SEMA6A: variants seen among roughly 807,000 people sequenced by gnomAD.
SEMA6A encodes the protein semaphorin-6A.
Under a neutral mutation model 96.8 loss-of-function variants are expected in SEMA6A, and 25 were observed. That is an observed-to-expected ratio of 0.26 (90% confidence interval 0.19 to 0.36). SEMA6A has a LOEUF of 0.36. Ranked by LOEUF, SEMA6A falls within the 10% of genes least tolerant of loss-of-function variation. The pLI is 1.00. For synonymous variants in SEMA6A, 612 were observed against 518.0 expected (o/e 1.18, Z -2.46); for missense variants, 1,363 against 1,323.1 (o/e 1.03, Z -0.47).
intron 18 of SEMA6A, among the ~76,000 whole-genome samples, chr5:116,463,344 T>TA (rs1224789349): frequency 6.6e-6 from 1 of 152,186 alleles, no homozygotes; most frequent in Non-Finnish European, 1.5e-5. Flanking sequence ...TCGGAGGAAA[T>TA]ACTGCTGTAG....
At chr5:116,488,023 C>G (rs1221225238) in intron 9 of SEMA6A, 85 bp downstream of exon 9, 1 of 880,334 alleles carries the variant, frequency 1.1e-6, no homozygotes, top group Non-Finnish European at 1.8e-6. Flanking sequence ...GCTCTCATTT[C>G]AAGATCATTT....
chr5:116,564,967 T>G (rs10055012), intron 1 of SEMA6A, among the ~76,000 whole-genome samples: 30,778 of 152,192 alleles, frequency 0.2, 3,174 homozygotes, highest in East Asian at 0.31. Flanking sequence ...TTTTATTTAT[T>G]TAGTAATCTG....
chr5:116,496,283 C>T lies in SEMA6A; in HGVS notation c.310G>A (p.Val104Ile). 4 of 1,613,792 alleles carry T rather than the reference C, an allele frequency of 2.5e-6. No homozygotes were observed. Among genetic ancestry groups the T allele is most frequent in the Non-Finnish European group, 3.4e-6 (4 of 1,179,796 alleles). Residue 104 changes from valine (V) to isoleucine (I), a missense_variant, in exon 5 of 19, where the codon GTA becomes ATA. Coordinates refer to ENST00000343348, the MANE Select transcript of SEMA6A (RefSeq NM_020796.5). ...KLTWKSRQAD[V>I]DTCRMKGKHK... ...TTTCCCTTCATTCTGCATGTGTCTA[C>T]ATCGGCCTGTCTAGATTTCCATGTC... is the stretch of plus-strand genomic sequence containing the variant.
chr5:116,502,836 A>G (rs902331563), intron 2 of SEMA6A, among the ~76,000 whole-genome samples: 2 of 152,246 alleles, frequency 1.3e-5, no homozygotes, highest in African/African-American at 4.8e-5. Flanking sequence ...TCCAGTTGGA[A>G]TAATCCACTA....
At chr5:116,479,105 G>C (rs1287680295) in intron 12 of SEMA6A, among the ~76,000 whole-genome samples, 1 of 152,166 alleles carries the variant, frequency 6.6e-6, no homozygotes, top group Non-Finnish European at 1.5e-5. Flanking sequence ...ATTTAACATT[G>C]AAAAGCAATG....
chr5:116,482,692 G>A, intron 10 of SEMA6A, 117 bp from the exon 11 acceptor site: 2 of 960,554 alleles, frequency 2.1e-6, no homozygotes, highest in East Asian at 2.5e-5. Flanking sequence ...TTCATACCTT[G>A]GACACTATAA....
chr5:116,477,303 G>C (rs527911581), intron 15 of SEMA6A, among the ~76,000 whole-genome samples: 30 of 152,310 alleles, frequency 2.0e-4, no homozygotes, highest in African/African-American at 6.0e-4. Flanking sequence ...TGATCTGTTG[G>C]AGAACTGCCA....
intron 1 of SEMA6A, among the ~76,000 whole-genome samples, chr5:116,524,388 A>G (rs1759109720): frequency 1.3e-5 from 2 of 152,192 alleles, no homozygotes; most frequent in Non-Finnish European, 2.9e-5. Flanking sequence ...GTCCAGACTT[A>G]ATTATCTCAG....
chr5:116,545,802 A>T (rs533166951), intron 1 of SEMA6A, among the ~76,000 whole-genome samples: 4 of 152,164 alleles, frequency 2.6e-5, no homozygotes, highest in African/African-American at 9.7e-5. Context: ...ACAAGAACCA[A>T]TCTAGTCTTT....
chr5:116,469,154 C>G (rs546199336), intron 17 of SEMA6A: 1 of 152,284 alleles, frequency 6.6e-6, no homozygotes, highest in Non-Finnish European at 1.5e-5. Flanking sequence ...TGCCACAAAG[C>G]TTTGGTAACA....
intron 17 of SEMA6A, chr5:116,471,540 G>A (rs937762635): frequency 1.3e-5 from 2 of 152,162 alleles, no homozygotes; most frequent in Non-Finnish European, 2.9e-5. Flanking sequence ...TTTTCCTCAA[G>A]GCAGTCTCAA....
chr5:116,477,187 A>C (rs751790454), intron 15 of SEMA6A, among the ~76,000 whole-genome samples: 2 of 152,236 alleles, frequency 1.3e-5, no homozygotes, highest in Non-Finnish European at 2.9e-5. Flanking sequence ...CACTGAAGTA[A>C]AAGCATAAAA....
intron 1 of SEMA6A, chr5:116,550,685 C>G (rs114730447): frequency 1.3e-5 from 2 of 152,132 alleles, no homozygotes; most frequent in Non-Finnish European, 2.9e-5. Flanking sequence ...TTAGGTTTAC[C>G]TGGGCTTCAG....
chr5:116,568,332 G>C (rs974537670), intron 1 of SEMA6A, among the ~76,000 whole-genome samples: 4 of 152,174 alleles, frequency 2.6e-5, no homozygotes, highest in Non-Finnish European at 4.4e-5. Context: ...CAGCCACAGA[G>C]AAGTTAAGTG....
At chr5:116,573,314 C>A (rs962773657) in intron 1 of SEMA6A, among the ~76,000 whole-genome samples, 2 of 152,102 alleles carry the variant, frequency 1.3e-5, no homozygotes, top group African/African-American at 4.8e-5. Flanking sequence ...CCTGGGTCAT[C>A]TTTCCAGAGC....
Position 116,540,041 on chromosome 5 carries a change from A to G in SEMA6A, c.-39+34144T>C, listed in dbSNP as rs142924687. ...TTTCATTGCAAGTTCTTTTTTTCTT[A>G]TTTTCTTGCGCTAAACTGCATACGT... On this transcript the variant is annotated intron_variant, in intron 1 of 18. Transcript: ENST00000343348. 6.0e-4 allele frequency among the ~76,000 whole-genome samples: 91 copies of G among 151,416 alleles called. 1 individual carries two copies. The highest frequency in any genetic ancestry group is 1.4e-3 in the Admixed American group (22 of 15,230).
intron 1 of SEMA6A, among the ~76,000 whole-genome samples, chr5:116,571,136 TAAAG>T (rs1394170202): frequency 6.6e-6 from 1 of 151,752 alleles, no homozygotes. Flanking sequence ...GTAGGGAAAA[TAAAG>T]AAGTCCACTT....
rs1580428312 is a variant in SEMA6A at position 116,445,980 on chromosome 5, T to C, written c.*633A>G. ...AGAGGAGGAGCAGAAATCTATGACA[T>C]AGTTGCCCAACATGGCATTTATCTG... On this transcript the variant is annotated 3_prime_UTR_variant, in exon 19 of 19. Transcript: ENST00000343348. 1 of 152,772 alleles carries C rather than the reference T, an allele frequency of 6.5e-6. No homozygotes were observed. Among genetic ancestry groups the C allele is most frequent in the Non-Finnish European group, 1.5e-5 (1 of 68,026 alleles). 9.5% of individuals were successfully genotyped at this position (152,772 alleles called of 1,614,324 possible).
Position 116,491,721 on chromosome 5 carries a change from G to A in SEMA6A, c.535+19C>T. The A allele has an allele frequency of 6.2e-7, 1 of 1,601,796 alleles. No homozygotes were observed. The highest frequency in any genetic ancestry group is 8.6e-7 in the Non-Finnish European group (1 of 1,168,908). On this transcript the variant is annotated intron_variant, in intron 7 of 18. Transcript: ENST00000343348. ...AACAAGCAAAAGCAAGTGCAACGAG[G>A]AGAAATCAGGTCGCTTACCTGCAAA...
Sources: allele counts gnomAD v4.1 joint callset (sites outside exome capture counted in the v4.1 genomes callset), GRCh38; gene constraint gnomAD v4.1.1; transcripts MANE v1.5; gene names NCBI Gene and HGNC (gene_info 2026-07-23, HGNC 2026-07-21).